The following DPP8 variants were observed in gnomAD, a reference collection of about 807,000 sequenced individuals.
DPP8 encodes dipeptidyl peptidase 8.
DPP8 carries 31 observed loss-of-function variants against 107.5 expected under a neutral mutation model. The ratio of observed to expected loss-of-function variants is 0.29; its 90% CI spans 0.22 to 0.39. The LOEUF (loss-of-function observed/expected upper bound fraction) is 0.39. Ranked by LOEUF, DPP8 falls within the 10% of genes least tolerant of loss-of-function variation. DPP8 has a pLI of 1.00. For synonymous variants in DPP8, 381 were observed against 356.6 expected (o/e 1.07, Z -0.77); for missense variants, 842 against 1,076.1 (o/e 0.78, Z 3.04).
intron 5 of DPP8, among the ~76,000 whole-genome samples, chr15:65,496,204 C>T (rs529134282): frequency 6.6e-6 from 1 of 151,938 alleles, no homozygotes; most frequent in Non-Finnish European, 1.5e-5. Context: ...AGGATGGTCT[C>T]GATCTCTTGA....
chr15:65,497,915 T>C lies in DPP8; in HGVS notation c.664A>G (p.Ile222Val), dbSNP rs1049965234. 2 of 1,595,964 alleles carry C rather than the reference T, an allele frequency of 1.3e-6. No individual in the cohort carries two copies. The highest frequency in any genetic ancestry group is 1.7e-6 in the Non-Finnish European group (2 of 1,168,616). Residue 222 changes from isoleucine to valine, a missense_variant, in exon 5 of 20, where the codon ATA becomes GTA. Ile to Val is a conservative substitution (Grantham distance 29, BLOSUM62 3). Transcript: ENST00000300141. ...IAFIHSNDIWISNIVTREERR... is the reference protein window; with the variant it reads ...IAFIHSNDIWVSNIVTREERR... ...TCTTCTCTGGTTACGATGTTAGATA[T>C]CCAAATATCGTTGCTATGTATAAAA... is the stretch of plus-strand genomic sequence containing the variant.
At chr15:65,479,999 C>G (rs971268135) in intron 10 of DPP8, among the ~76,000 whole-genome samples, 1 of 151,596 alleles carries the variant, frequency 6.6e-6, no homozygotes, top group East Asian at 1.9e-4. Flanking sequence ...TCTCCAGGAA[C>G]AAATCTGAAG....
chr15:65,488,389 T>A (rs976527232), intron 6 of DPP8, among the ~76,000 whole-genome samples: 7 of 151,738 alleles, frequency 4.6e-5, no homozygotes, highest in African/African-American at 1.7e-4. Flanking sequence ...CAGTATTTTT[T>A]AAAATACAAC....
At chr15:65,515,836 G>T in intron 1 of DPP8, 1 of 748,330 alleles carries the variant, frequency 1.3e-6, no homozygotes, top group Non-Finnish European at 2.1e-6. Context: ...TGATCATTAA[G>T]ATGGACCATA....
intron 3 of DPP8, among the ~76,000 whole-genome samples, chr15:65,503,914 C>G (rs139012754): frequency 6.6e-6 from 1 of 151,930 alleles, no homozygotes; most frequent in Non-Finnish European, 1.5e-5. Flanking sequence ...CATAAGCGAC[C>G]GCACCTGGCC....
rs2063373811 is a variant in DPP8, at chr15:65,443,504, A to AT, written c.*3379_*3380insA. Reference sequence around the variant, plus strand: ...AATAAAACAAGTAGTAAAAAAAAAAAAGTAAGCATCGGTATCAATATCGCA... The same window carrying AT: ...AATAAAACAAGTAGTAAAAAAAAAAATAGTAAGCATCGGTATCAATATCGCA... On this transcript the variant is annotated 3_prime_UTR_variant, in exon 20 of 20. Coordinates refer to ENST00000300141, the MANE Select transcript of DPP8 (RefSeq NM_130434.5). The AT allele has an allele frequency of 6.6e-6, 1 of 151,862 alleles. No individual in the cohort carries two copies. Among genetic ancestry groups the AT allele is most frequent in the African/African-American group, 2.4e-5 (1 of 41,440 alleles). 9.4% of individuals were successfully genotyped at this position (151,862 alleles called of 1,614,324 possible).
chr15:65,484,738 C>T (rs1596000260), intron 8 of DPP8, among the ~76,000 whole-genome samples: 1 of 150,974 alleles, frequency 6.6e-6, no homozygotes, highest in Middle Eastern at 3.4e-3. Flanking sequence ...ACTTGGCTGT[C>T]GAAATGGAAA....
chr15:65,511,639 C>CAAAA (rs373452327), intron 2 of DPP8, among the ~76,000 whole-genome samples: 4 of 110,324 alleles, frequency 3.6e-5, no homozygotes, highest in Admixed American at 1.0e-4. Flanking sequence ...GACCCTGTCT[C>CAAAA]AAAAAAAAAA....
At position 65,494,865 on chromosome 15, in the gene DPP8, T is replaced by C. The variant is rs581900; in HGVS notation, c.715+2999A>G. 8.6e-3 allele frequency among the ~76,000 whole-genome samples: 1,302 copies of C among 152,248 alleles called. 13 individuals are homozygous for C. The highest frequency in any genetic ancestry group is 0.029 in the African/African-American group (1,217 of 41,548). On this transcript the variant is annotated intron_variant, in intron 5 of 19. Transcript: ENST00000300141. ...TATCCTATGCTCTAGATTTAGGCCA[T>C]ATAACTTGGATAACTGCAACAGTCA...
intron 11 of DPP8, among the ~76,000 whole-genome samples, chr15:65,477,976 G>A (rs545969447): frequency 1.3e-5 from 2 of 152,174 alleles, no homozygotes; most frequent in South Asian, 4.1e-4. Flanking sequence ...TCGGTTTTAG[G>A]AAAACCCAGG....
rs984231425 is a variant in DPP8, at chr15:65,475,647, T to A, written c.1457-1359A>T. On this transcript the variant is annotated intron_variant, in intron 11 of 19. Coordinates refer to ENST00000300141, the MANE Select transcript of DPP8 (RefSeq NM_130434.5). Reference sequence around the variant, plus strand: ...CATTTCTTCTAGAAATGCAACAAACTACTTTAAAACTCACAAAAGAAAATG... The same window carrying A: ...CATTTCTTCTAGAAATGCAACAAACAACTTTAAAACTCACAAAAGAAAATG... 12 of 770,570 alleles carry A rather than the reference T, an allele frequency of 1.6e-5. No individual in the cohort carries two copies. The African/African-American group carries it at 1.6e-4, about 10-fold the overall frequency. The allele number at this position is 770,570 out of a possible 1,614,324, so 47.7% of individuals were successfully genotyped here.
intron 3 of DPP8, among the ~76,000 whole-genome samples, chr15:65,505,722 G>A (rs946595487): frequency 3.3e-5 from 5 of 150,232 alleles, no homozygotes; most frequent in African/African-American, 1.2e-4. Context: ...AAGCTGAGGC[G>A]GTGGATCACT....
At chr15:65,482,554 G>A (rs909353289) in intron 8 of DPP8, among the ~76,000 whole-genome samples, 1 of 152,136 alleles carries the variant, frequency 6.6e-6, no homozygotes. Flanking sequence ...GGGATTACAG[G>A]TGTAAGCCAC....
chr15:65,481,019 G>GGCTGCAGTGAGCCATGATTGCACC (rs2066880576), intron 9 of DPP8, among the ~76,000 whole-genome samples: 1 of 151,956 alleles, frequency 6.6e-6, no homozygotes, highest in Admixed American at 6.6e-5. Context: ...GGGAGGTTGA[G>GGCTGCAGTGAGCCATGATTGCACC]GCTGCAGTGA....
chr15:65,481,499 A>C lies in DPP8; in HGVS notation c.1118+16T>G, dbSNP rs1415551888. 2.0e-6 allele frequency: 3 copies of C among 1,484,182 alleles called. No homozygotes were observed. The East Asian group carries it at 7.0e-5, about 35-fold the overall frequency. 91.9% of individuals were successfully genotyped at this position (1,484,182 alleles called of 1,614,324 possible). ...CCTAAATTAGTTATAAAGAAGTAAC[A>C]ATTTAACATACGCACTATTTTCCCT... On this transcript the variant is annotated intron_variant, in intron 9 of 19. Coordinates refer to ENST00000300141, the MANE Select transcript of DPP8 (RefSeq NM_130434.5).
At chr15:65,506,067 C>T (rs2069940676) in intron 3 of DPP8, among the ~76,000 whole-genome samples, 1 of 151,782 alleles carries the variant, frequency 6.6e-6, no homozygotes, top group Non-Finnish European at 1.5e-5. Flanking sequence ...TGCGGTGGCT[C>T]ACACCTGTAA....
At chr15:65,500,418 CAA>C (rs368383988) in intron 4 of DPP8, among the ~76,000 whole-genome samples, 186 bp downstream of exon 4, 4 of 137,112 alleles carry the variant, frequency 2.9e-5, no homozygotes, top group Admixed American at 7.3e-5. Context: ...AATTCTGTCT[CAA>C]AAAAAAAAAA....
chr15:65,494,718 T>A (rs201514504), intron 5 of DPP8, among the ~76,000 whole-genome samples: 1 of 149,246 alleles, frequency 6.7e-6, no homozygotes, highest in East Asian at 2.0e-4. Flanking sequence ...ACCAACCTAA[T>A]CTTTCTACTG....
At chr15:65,490,644 A>G (rs899538469) in intron 5 of DPP8, among the ~76,000 whole-genome samples, 1 of 152,226 alleles carries the variant, frequency 6.6e-6, no homozygotes. Context: ...CATGGAAAAA[A>G]GATTACAAGA....
Sources: gnomAD v4.1 joint callset for allele counts (sites outside exome capture counted in the v4.1 genomes callset) on GRCh38, gnomAD v4.1.1 for gene constraint, MANE v1.5 for transcripts, NCBI Gene and HGNC (gene_info 2026-07-23, HGNC 2026-07-21) for gene names.